The following TIMMDC1 variants were observed in gnomAD, a reference collection of about 807,000 sequenced individuals.
TIMMDC1 encodes the protein translocase of inner mitochondrial membrane domain containing 1.
A neutral mutation model predicts 32.6 loss-of-function variants in TIMMDC1; 25 were observed. The observed-to-expected ratio is 0.77, with a 90% CI of 0.56 to 1.07. The LOEUF (loss-of-function observed/expected upper bound fraction) is 1.07. Ranked by LOEUF, TIMMDC1 falls within the 50% of genes least tolerant of loss-of-function variation. TIMMDC1 has a pLI of 0.00. For synonymous variants in TIMMDC1, 130 were observed against 127.6 expected, an observed-to-expected ratio of 1.02 and a Z score of -0.13; for missense variants, 329 against 349.2, an observed-to-expected ratio of 0.94 and a Z score of 0.46.
chr3:119,506,662 CCT>C (rs982297207), intron 4 of TIMMDC1, among the ~76,000 whole-genome samples: 1 of 151,924 alleles, frequency 6.6e-6, no homozygotes, highest in African/African-American at 2.4e-5. Flanking sequence ...TCTTATCGTC[CCT>C]GTTTCTAATC....
chr3:119,503,501 T>C, intron 2 of TIMMDC1, 31 bp from the exon 3 acceptor site: 1 of 1,548,914 alleles, frequency 6.5e-7, no homozygotes, highest in East Asian at 2.3e-5. Flanking sequence ...GATGGTGTCT[T>C]AGAACCTCAC....
rs2081967801 is a variant in TIMMDC1, at chr3:119,513,635, A to G, written c.518-6A>G. The stretch of plus-strand genomic sequence containing the variant: ...ATTTAATATTGCCTTTCTTGTTTTT[A>G]AATAGCTGTCACGGGAAGTCTTTTT... On this transcript the variant is annotated splice_region_variant and splice_polypyrimidine_tract_variant and intron_variant, in intron 4 of 6. Transcript: ENST00000494664. The G allele has an allele frequency of 1.9e-6, 3 of 1,609,450 alleles. No individual in the cohort carries two copies. In the East Asian group the frequency reaches 6.7e-5, roughly 36 times the overall value.
At chr3:119,515,980 TAAATA>T (rs1384430959) in intron 5 of TIMMDC1, among the ~76,000 whole-genome samples, 1 of 152,236 alleles carries the variant, frequency 6.6e-6, no homozygotes, top group East Asian at 1.9e-4. Context: ...AAATTTGAAT[TAAATA>T]AAATCAGCAT....
intron 4 of TIMMDC1, among the ~76,000 whole-genome samples, chr3:119,511,597 A>G (rs1402646838): frequency 6.6e-6 from 1 of 152,234 alleles, no homozygotes; most frequent in Non-Finnish European, 1.5e-5. Flanking sequence ...GAAACAGGAA[A>G]CACAGTTTTG....
At chr3:119,505,791 G>A (rs987099350) in intron 4 of TIMMDC1, among the ~76,000 whole-genome samples, 2 of 152,202 alleles carry the variant, frequency 1.3e-5, no homozygotes, top group South Asian at 4.1e-4. Context: ...AACAATTCAT[G>A]CTGAGAATTT....
rs755451534 is a variant in TIMMDC1, at chr3:119,524,710, C to G, written c.*954C>G. The G allele has an allele frequency of 2.0e-5, 3 of 152,204 alleles. No individual in the cohort carries two copies. The highest frequency in any genetic ancestry group is 2.9e-5 in the Non-Finnish European group (2 of 68,038). The allele number at this position is 152,204 out of a possible 1,614,324, so 9.4% of individuals were successfully genotyped here. On this transcript the variant is annotated 3_prime_UTR_variant, in exon 7 of 7. Coordinates refer to ENST00000494664, the MANE Select transcript of TIMMDC1 (RefSeq NM_016589.4). The stretch of plus-strand genomic sequence containing the variant: ...ATCCCAGCTTAAGTTGCGTCCACTT[C>G]TGGTCTAGTGAATTGTGGAAGGCAG...
intron 6 of TIMMDC1, among the ~76,000 whole-genome samples, chr3:119,518,522 C>T (rs2082000922): frequency 6.6e-6 from 1 of 150,570 alleles, no homozygotes; most frequent in Non-Finnish European, 1.5e-5. Context: ...CCACTGCACT[C>T]CAGCCTGGGC....
chr3:119,522,356 C>T (rs1156547150), intron 6 of TIMMDC1, among the ~76,000 whole-genome samples: 1 of 151,908 alleles, frequency 6.6e-6, no homozygotes, highest in Non-Finnish European at 1.5e-5. Context: ...AAAAAATGGG[C>T]TCATAGAAGT....
chr3:119,522,819 T>G (rs80272103), intron 6 of TIMMDC1, among the ~76,000 whole-genome samples: 22,274 of 126,400 alleles, frequency 0.18, 2,040 homozygotes, highest in Admixed American at 0.22. Flanking sequence ...TGTGTGTGTG[T>G]GTGTGTGTGT....
At chr3:119,502,895 A>G (rs923176653) in intron 2 of TIMMDC1, among the ~76,000 whole-genome samples, 4 of 152,174 alleles carry the variant, frequency 2.6e-5, no homozygotes, top group East Asian at 3.8e-4. Flanking sequence ...TCCTGTAACA[A>G]TTATGACTGT....
intron 6 of TIMMDC1, among the ~76,000 whole-genome samples, chr3:119,521,395 A>C (rs973275174): frequency 6.6e-6 from 1 of 152,138 alleles, no homozygotes; most frequent in African/African-American, 2.4e-5. Context: ...TTTCTACTAA[A>C]AATACAAAAA....
chr3:119,519,906 TA>T (rs35264490), intron 6 of TIMMDC1, among the ~76,000 whole-genome samples: 28,123 of 152,072 alleles, frequency 0.18, 2,700 homozygotes, highest in East Asian at 0.33. Context: ...TAACATCAAA[TA>T]TTTTTTCAGA....
intron 6 of TIMMDC1, among the ~76,000 whole-genome samples, chr3:119,519,262 A>G (rs1271511306): frequency 1.3e-5 from 2 of 152,226 alleles, no homozygotes; most frequent in South Asian, 2.1e-4. Flanking sequence ...ATCAATAACA[A>G]TGTTGAATAT....
At position 119,524,999 on chromosome 3, in the gene TIMMDC1, A is replaced by G. The variant is rs182875317; in HGVS notation, c.*1243A>G. 6.6e-6 allele frequency: 1 copy of G among 152,358 alleles called. No individual in the cohort carries two copies. The highest frequency in any genetic ancestry group is 1.9e-4 in the East Asian group (1 of 5,192). The allele number at this position is 152,358 out of a possible 1,614,324, so 9.4% of individuals were successfully genotyped here. A position where few individuals can be genotyped will look rare whatever the true frequency, so the allele number is the denominator to read the frequency against. ...GGTCAAACTAGCATAAAGCCATTTA[A>G]AGAGATTATCAGTCCAATATGAACC... On this transcript the variant is annotated 3_prime_UTR_variant, in exon 7 of 7. Coordinates refer to ENST00000494664, the MANE Select transcript of TIMMDC1 (RefSeq NM_016589.4).
rs138767176 is a variant in TIMMDC1, at chr3:119,506,047, C to T, written c.517+2026C>T. Among the ~76,000 whole-genome samples, 506 of 152,258 alleles carry T rather than the reference C, an allele frequency of 3.3e-3. 3 individuals carry two copies. Among genetic ancestry groups the T allele is most frequent in the African/African-American group, 0.012 (487 of 41,540 alleles). On this transcript the variant is annotated intron_variant, in intron 4 of 6. Transcript: ENST00000494664. Reference sequence around the variant, plus strand: ...TAAGCCTAGTATCTTAGTTGTTTTTCCTGATCCTCAAACAACATTTTAATG... The same window carrying T: ...TAAGCCTAGTATCTTAGTTGTTTTTTCTGATCCTCAAACAACATTTTAATG...
In TIMMDC1 at chr3:119,523,778, C is replaced by T. The variant is rs1370287480; in HGVS notation, c.*22C>T. 6.4e-7 allele frequency: 1 copy of T among 1,567,530 alleles called. No homozygotes were observed. On this transcript the variant is annotated 3_prime_UTR_variant, in exon 7 of 7. Coordinates refer to ENST00000494664, the MANE Select transcript of TIMMDC1 (RefSeq NM_016589.4). Reference sequence around the variant, plus strand: ...CTGAAAGTGCTCTGAACTTGAAACTCACTGGAGAGCTGAAGGGAGCTGCCA... The same window carrying T: ...CTGAAAGTGCTCTGAACTTGAAACTTACTGGAGAGCTGAAGGGAGCTGCCA...
At chr3:119,517,039 C>T (rs1361668599) in intron 5 of TIMMDC1, among the ~76,000 whole-genome samples, 166 bp from the exon 6 acceptor site, 1 of 152,088 alleles carries the variant, frequency 6.6e-6, no homozygotes, top group Non-Finnish European at 1.5e-5. Context: ...AAGAGATTAC[C>T]TCAATGTTTT....
rs1290710124 is a variant in TIMMDC1, at chr3:119,524,040, A to G, written c.*284A>G. The G allele has an allele frequency of 4.4e-6, 1 of 229,736 alleles. No individual in the cohort carries two copies. Among genetic ancestry groups the G allele is most frequent in the Non-Finnish European group, 8.4e-6 (1 of 118,552 alleles). 14.2% of individuals were successfully genotyped at this position (229,736 alleles called of 1,614,324 possible). A position where few individuals can be genotyped will look rare whatever the true frequency, so the allele number is the denominator to read the frequency against. ...TCCACCCACCTAGATTTTAAGCAGT[A>G]AATAAAACATTTCGCAAAAGATTAA... is the stretch of plus-strand genomic sequence containing the variant. On this transcript the variant is annotated 3_prime_UTR_variant, in exon 7 of 7. Transcript: ENST00000494664.
intron 4 of TIMMDC1, among the ~76,000 whole-genome samples, chr3:119,510,142 G>A (rs2081944008): frequency 6.6e-6 from 1 of 152,090 alleles, no homozygotes; most frequent in African/African-American, 2.4e-5. Context: ...GTATTTGTAG[G>A]TAATATTTTA....
Sources: gnomAD v4.1 joint callset for allele counts (sites outside exome capture counted in the v4.1 genomes callset) on GRCh38, gnomAD v4.1.1 for gene constraint, MANE v1.5 for transcripts, NCBI Gene and HGNC (gene_info 2026-07-23, HGNC 2026-07-21) for gene names.